Variants in PJA2 observed in about 807,000 individuals in gnomAD.
PJA2 encodes E3 ubiquitin-protein ligase Praja-2.
PJA2 carries 25 observed loss-of-function variants against 69.3 expected under a neutral mutation model. The observed-to-expected ratio is 0.36, with a 90% CI of 0.26 to 0.50. PJA2 has a LOEUF of 0.50. Ranked by LOEUF, PJA2 falls within the 20% of genes least tolerant of loss-of-function variation. PJA2 has a pLI of 0.96. For missense variants in PJA2, 809 were observed against 830.2 expected (o/e 0.97, Z 0.31); for synonymous variants, 308 against 277.8 (o/e 1.11, Z -1.08).
At chr5:109,345,734 G>A (rs144751244) in intron 7 of PJA2, among the ~76,000 whole-genome samples, 26 of 152,296 alleles carry the variant, frequency 1.7e-4, no homozygotes, top group African/African-American at 6.3e-4. Context: ...ATGCACTCCT[G>A]AATGGCTACA....
At chr5:109,399,262 G>C (rs1250695372) in intron 1 of PJA2, among the ~76,000 whole-genome samples, 1 of 151,378 alleles carries the variant, frequency 6.6e-6, no homozygotes, top group East Asian at 1.9e-4. Context: ...ATGGAGAGAA[G>C]GTACAGCATC....
chr5:109,377,853 C>T (rs146201032), intron 4 of PJA2, among the ~76,000 whole-genome samples: 3,239 of 152,230 alleles, frequency 0.021, 117 homozygotes, highest in African/African-American at 0.074. Flanking sequence ...TGATATTAAT[C>T]ACTTTTTAAA....
intron 7 of PJA2, among the ~76,000 whole-genome samples, chr5:109,348,416 AT>A (rs1008296206): frequency 3.3e-5 from 5 of 152,332 alleles, no homozygotes; most frequent in African/African-American, 9.6e-5. Flanking sequence ...GTCTCATCAA[AT>A]TTCTCAAAAG....
chr5:109,348,538 T>C (rs73219714), intron 7 of PJA2, among the ~76,000 whole-genome samples: 4,846 of 152,252 alleles, frequency 0.032, 256 homozygotes, highest in African/African-American at 0.11. Context: ...CTGAGCCTCC[T>C]GTTACCAGTA....
At chr5:109,378,122 T>G (rs1048263485) in intron 4 of PJA2, 82 bp downstream of exon 4, 2 of 975,544 alleles carry the variant, frequency 2.1e-6, no homozygotes, top group African/African-American at 3.2e-5. Flanking sequence ...TCATATCAAA[T>G]AGCCCAGCCA....
At chr5:109,350,266 T>C (rs1762228905) in intron 7 of PJA2, among the ~76,000 whole-genome samples, 1 of 151,592 alleles carries the variant, frequency 6.6e-6, no homozygotes, top group African/African-American at 2.4e-5. Context: ...TTTAAGCCAC[T>C]AGTATGAAAA....
At position 109,354,531 on chromosome 5, in the gene PJA2, A is replaced by G. The variant is rs1452460397; in HGVS notation, c.1764+1384T>C. Among the ~76,000 whole-genome samples, 41 of 41,890 alleles carry G rather than the reference A, an allele frequency of 9.8e-4. 3 individuals are homozygous for G. Among genetic ancestry groups the G allele is most frequent in the African/African-American group, 4.5e-3 (38 of 8,392 alleles). 27.5% of individuals were successfully genotyped at this position (41,890 alleles called of 152,430 possible). A position where few individuals can be genotyped will look rare whatever the true frequency, so the allele number is the denominator to read the frequency against. On this transcript the variant is annotated intron_variant, in intron 7 of 9. Coordinates refer to ENST00000361189, the MANE Select transcript of PJA2 (RefSeq NM_014819.5). ...ATCTATATCGATATTAGATATCTAT[A>G]ATATCTATAGATATCTATATCGATA...
rs751406996 is a variant in PJA2 at position 109,337,234 on chromosome 5, G to A, written c.2124C>T (p.Pro708=). 6.2e-7 allele frequency: 1 copy of A among 1,613,306 alleles called. No homozygotes were observed. The highest frequency in any genetic ancestry group is 8.5e-7 in the Non-Finnish European group (1 of 1,179,840). Residue 708 remains proline (P), a synonymous_variant, in exon 10 of 10, where the codon CCC becomes CCT. Transcript: ENST00000361189. ...PPSNDSIAEA[P] is the part of the protein sequence containing the mutation. ...ATCTCATTTCAACTGTCAAGGTTTAGGGTGCTTCTGCAATACTGTCATTTG... is the reference window on the plus strand; with the variant it reads ...ATCTCATTTCAACTGTCAAGGTTTAAGGTGCTTCTGCAATACTGTCATTTG...
chr5:109,376,611 A>T (rs1360712431), intron 4 of PJA2, among the ~76,000 whole-genome samples: 1 of 152,146 alleles, frequency 6.6e-6, no homozygotes, highest in African/African-American at 2.4e-5. Context: ...GATTCTCCTT[A>T]AAGAAGAAAA....
At chr5:109,343,273 C>CAAAAAAAAA (rs869033444) in intron 9 of PJA2, among the ~76,000 whole-genome samples, 1 of 19,390 alleles carries the variant, frequency 5.2e-5, no homozygotes, top group African/African-American at 3.4e-4. Flanking sequence ...AAGGGCGGTG[C>CAAAAAAAAA]AAAAAAAAAA....
At chr5:109,365,908 A>C (rs1196043040) in intron 5 of PJA2, among the ~76,000 whole-genome samples, 1 of 152,208 alleles carries the variant, frequency 6.6e-6, no homozygotes, top group African/African-American at 2.4e-5. Flanking sequence ...AAAACCTTGA[A>C]GGTTTTCTCA....
chr5:109,341,428 G>A (rs939992544), intron 9 of PJA2, among the ~76,000 whole-genome samples: 2 of 142,290 alleles, frequency 1.4e-5, no homozygotes, highest in African/African-American at 2.6e-5. Flanking sequence ...GAGAAGTGAG[G>A]AGCCCCTCCG....
chr5:109,354,358 T>TATG (rs547023539), intron 7 of PJA2, among the ~76,000 whole-genome samples: 4,857 of 112,566 alleles, frequency 0.043, 504 homozygotes, highest in Non-Finnish European at 0.056. Flanking sequence ...ATTGGATATC[T>TATG]ATATCTAGAG....
chr5:109,380,827 C>T (rs532725774), intron 3 of PJA2, among the ~76,000 whole-genome samples: 17 of 114,588 alleles, frequency 1.5e-4, no homozygotes, highest in African/African-American at 4.4e-4. Context: ...AAAAAAAGAA[C>T]GCCAGGCATG....
Position 109,379,835 on chromosome 5 carries a change from T to C in PJA2, c.233-581A>G, listed in dbSNP as rs192759236. On this transcript the variant is annotated intron_variant, in intron 3 of 9. Transcript: ENST00000361189. ...ATTTGTAATAAGTTTACTTTAGATG[T>C]GTTATAGTTATGACTGAAAAACAAC... Among the ~76,000 whole-genome samples, 152 of 152,318 alleles carry C rather than the reference T, an allele frequency of 1.0e-3. 1 individual carries two copies. The highest frequency in any genetic ancestry group is 3.7e-3 in the African/African-American group (152 of 41,582).
At chr5:109,363,726 T>C (rs1762535107) in intron 5 of PJA2, among the ~76,000 whole-genome samples, 2 of 152,222 alleles carry the variant, frequency 1.3e-5, no homozygotes, top group African/African-American at 4.8e-5. Context: ...GTTTAACATT[T>C]TCTTATTTGT....
chr5:109,394,036 T>C (rs1050809969), intron 1 of PJA2, among the ~76,000 whole-genome samples: 3 of 128,796 alleles, frequency 2.3e-5, no homozygotes, highest in African/African-American at 9.2e-5. Flanking sequence ...ACATTCTAAT[T>C]CTCTTTTTTT....
chr5:109,357,803 G>A (rs1472568244), intron 6 of PJA2, among the ~76,000 whole-genome samples: 3 of 152,178 alleles, frequency 2.0e-5, no homozygotes, highest in Non-Finnish European at 4.4e-5. Context: ...AATTCTGCCT[G>A]CTCAAACAAC....
chr5:109,402,747 A>G (rs1747582059), intron 1 of PJA2, among the ~76,000 whole-genome samples: 1 of 152,164 alleles, frequency 6.6e-6, no homozygotes, highest in Non-Finnish European at 1.5e-5. Context: ...GAGAGTAACC[A>G]TATTCTGGTC....
Sources: allele counts gnomAD v4.1 joint callset (sites outside exome capture counted in the v4.1 genomes callset), GRCh38; gene constraint gnomAD v4.1.1; transcripts MANE v1.5; gene names NCBI Gene and HGNC (gene_info 2026-07-23, HGNC 2026-07-21).